SYTL3: variants seen among roughly 807,000 people sequenced by gnomAD.
SYTL3 encodes the protein synaptotagmin like 3, also known as synaptotagmin-like protein 3.
Under a neutral mutation model 82.1 loss-of-function variants are expected in SYTL3, and 88 were observed. The observed-to-expected ratio is 1.07, with a 90% confidence interval of 0.90 to 1.28. The LOEUF (loss-of-function observed/expected upper bound fraction) is 1.28. Among genes scored for constraint, SYTL3 ranks in the 50% most tolerant of loss-of-function variants. SYTL3 has a pLI of 0.00. For synonymous variants in SYTL3, 311 were observed against 289.4 expected, an observed-to-expected ratio of 1.07 and a Z score of -0.76; for missense variants, 831 against 757.6, an observed-to-expected ratio of 1.10 and a Z score of -1.14.
intron 11 of SYTL3, among the ~76,000 whole-genome samples, chr6:158,737,372 C>G (rs1786322516): frequency 6.6e-6 from 1 of 152,184 alleles, no homozygotes; most frequent in African/African-American, 2.4e-5. Flanking sequence ...TCAGTGTGTT[C>G]TTATCAGGAT....
At chr6:158,678,094 C>A (rs1380232499) in intron 5 of SYTL3, among the ~76,000 whole-genome samples, 1 of 152,116 alleles carries the variant, frequency 6.6e-6, no homozygotes, top group Non-Finnish European at 1.5e-5. Context: ...TCAGGCTGGT[C>A]TGGAACTCCT....
chr6:158,745,115 G>A (rs954516218), intron 11 of SYTL3, among the ~76,000 whole-genome samples: 1 of 151,914 alleles, frequency 6.6e-6, no homozygotes, highest in Non-Finnish European at 1.5e-5. Context: ...AGACTGTGCC[G>A]CTTTCCGCAT....
At chr6:158,673,256 A>G (rs1777607902) in intron 5 of SYTL3, among the ~76,000 whole-genome samples, 1 of 150,938 alleles carries the variant, frequency 6.6e-6, no homozygotes, top group African/African-American at 2.4e-5. Flanking sequence ...CTTTTTATTA[A>G]AAACAGTTTC....
In SYTL3 at chr6:158,764,640, T is replaced by G; in HGVS notation, c.*36T>G. The G allele has an allele frequency of 6.8e-7, 1 of 1,472,242 alleles. No homozygotes were observed. The highest frequency in any genetic ancestry group is 9.5e-7 in the Non-Finnish European group (1 of 1,050,710). The allele number at this position is 1,472,242 out of a possible 1,614,324, so 91.2% of individuals were successfully genotyped here. ...TCAAGGTTCCAGGTTGCAGCAGGCG[T>G]GAGGCACTGTGCGTCTGCAGAGGGG... On this transcript the variant is annotated 3_prime_UTR_variant, in exon 18 of 18. Coordinates refer to ENST00000611299, the MANE Select transcript of SYTL3 (RefSeq NM_001242394.2).
intron 6 of SYTL3, among the ~76,000 whole-genome samples, chr6:158,693,053 C>T (rs56041832): frequency 0.02 from 3,000 of 152,290 alleles, 95 homozygotes; most frequent in African/African-American, 0.068. Context: ...GTAAACACCC[C>T]TCATCCCTGC....
At chr6:158,731,001 C>T (rs1427934668) in intron 11 of SYTL3, among the ~76,000 whole-genome samples, 1 of 152,042 alleles carries the variant, frequency 6.6e-6, no homozygotes, top group Non-Finnish European at 1.5e-5. Flanking sequence ...AAAAGATATT[C>T]GGGCCGGGCG....
rs531182470 is a variant in SYTL3, at chr6:158,717,208, A to G, written c.596-879A>G. The stretch of plus-strand genomic sequence containing the variant: ...AGAATCACTTGAACCCAGGAGGCGG[A>G]GGTTGCAGTGAGCCAAGATCACATC... On this transcript the variant is annotated intron_variant, in intron 9 of 17. Coordinates refer to ENST00000611299, the MANE Select transcript of SYTL3 (RefSeq NM_001242394.2). Among the ~76,000 whole-genome samples, 131 of 152,296 alleles carry G rather than the reference A, an allele frequency of 8.6e-4. 1 individual carries two copies. The highest frequency in any genetic ancestry group is 3.4e-3 in the Middle Eastern group (1 of 294).
At chr6:158,708,645 T>C (rs1782393390) in intron 8 of SYTL3, among the ~76,000 whole-genome samples, 1 of 152,176 alleles carries the variant, frequency 6.6e-6, no homozygotes, top group African/African-American at 2.4e-5. Context: ...CTCTTTACTC[T>C]TGGCATGGCA....
At chr6:158,707,905 G>A (rs911835753) in intron 7 of SYTL3, among the ~76,000 whole-genome samples, 4 of 152,000 alleles carry the variant, frequency 2.6e-5, no homozygotes, top group Non-Finnish European at 4.4e-5. Context: ...ATTTCTTTTA[G>A]CACAAGCTTC....
chr6:158,672,934 CTAGT>C (rs1777565769), intron 5 of SYTL3, among the ~76,000 whole-genome samples: 1 of 151,920 alleles, frequency 6.6e-6, no homozygotes, highest in Non-Finnish European at 1.5e-5. Context: ...CTCACCTCAC[CTAGT>C]TAGTTTTTTT....
Position 158,713,096 on chromosome 6 carries a change from C to G in SYTL3, c.517-704C>G, listed in dbSNP as rs535635238. Reference sequence around the variant, plus strand: ...TTCAAACTGAGACTGGGGTGACCTTCAAAATCCTGCTCTACTTTCTCCTGG... The same window carrying G: ...TTCAAACTGAGACTGGGGTGACCTTGAAAATCCTGCTCTACTTTCTCCTGG... On this transcript the variant is annotated intron_variant, in intron 8 of 17. Coordinates refer to ENST00000611299, the MANE Select transcript of SYTL3 (RefSeq NM_001242394.2). Among the ~76,000 whole-genome samples the G allele has an allele frequency of 2.6e-5, 4 of 152,278 alleles. No individual in the cohort carries two copies. In the East Asian group the frequency reaches 7.7e-4, roughly 29 times the overall value.
At chr6:158,691,745 G>A (rs1190240338) in intron 6 of SYTL3, among the ~76,000 whole-genome samples, 7 of 151,006 alleles carry the variant, frequency 4.6e-5, no homozygotes, top group African/African-American at 1.7e-4. Context: ...TCCGCCTCCC[G>A]GGTTCACGCC....
intron 13 of SYTL3, among the ~76,000 whole-genome samples, chr6:158,752,575 T>C (rs1788530668): frequency 6.6e-6 from 1 of 152,300 alleles, no homozygotes; most frequent in Admixed American, 6.5e-5. Flanking sequence ...TGATTGATGG[T>C]TGAGGGCAGA....
intron 10 of SYTL3, among the ~76,000 whole-genome samples, chr6:158,723,089 C>CTTT (rs745395918): frequency 1.8e-3 from 166 of 89,878 alleles, no homozygotes; most frequent in Non-Finnish European, 2.1e-3. Flanking sequence ...AACAGCTACT[C>CTTT]TTTTTTTTTT....
chr6:158,748,930 A>G (rs1583469350), intron 12 of SYTL3, among the ~76,000 whole-genome samples: 1 of 152,030 alleles, frequency 6.6e-6, no homozygotes, highest in African/African-American at 2.4e-5. Context: ...ACATTCAAGT[A>G]TAATAAGGGG....
intron 14 of SYTL3, among the ~76,000 whole-genome samples, chr6:158,758,923 T>C (rs1157118687): frequency 1.3e-5 from 2 of 152,186 alleles, no homozygotes; most frequent in Non-Finnish European, 2.9e-5. Flanking sequence ...CCAGCCACGT[T>C]GCGGGTGGGT....
intron 17 of SYTL3, among the ~76,000 whole-genome samples, chr6:158,763,790 A>G (rs1418459639): frequency 6.6e-6 from 1 of 152,244 alleles, no homozygotes; most frequent in Non-Finnish European, 1.5e-5. Context: ...TCTGGCGTCA[A>G]TCATAAAAGG....
rs1385620839 is a variant in SYTL3 at position 158,757,350 on chromosome 6, A to G, written c.1277A>G (p.Gln426Arg). The G allele has an allele frequency of 2.5e-6, 4 of 1,613,702 alleles. No individual in the cohort carries two copies. Among genetic ancestry groups the G allele is most frequent in the Admixed American group, 1.7e-5 (1 of 59,990 alleles). ...ATWDFEDSTT[Q>R]SFRWHPLRAK... is the part of the protein sequence containing the mutation. ...TGGGACTTTGAAGACAGCACAACAC[A>G]GTCCTTCCGCTGGCATCCGCTCCGG... The change falls in exon 14 of 18, where the codon CAG becomes CGG. Residue 426 changes from glutamine (Q) to arginine (R), a missense_variant. Transcript: ENST00000611299.
chr6:158,755,389 AG>A (rs1433203022), intron 13 of SYTL3, among the ~76,000 whole-genome samples: 6 of 152,192 alleles, frequency 3.9e-5, no homozygotes, highest in African/African-American at 1.4e-4. Flanking sequence ...ACTGGCTAAA[AG>A]TTACCCAAAG....
Sources: allele counts gnomAD v4.1 joint callset (sites outside exome capture counted in the v4.1 genomes callset), GRCh38; gene constraint gnomAD v4.1.1; transcripts MANE v1.5; gene names NCBI Gene and HGNC (gene_info 2026-07-23, HGNC 2026-07-21).